The following KALRN variants were observed in gnomAD, a reference collection of about 807,000 sequenced individuals.
KALRN encodes kalirin.
In KALRN, 70 loss-of-function variants were observed where a neutral mutation model predicts 353.7. The ratio of observed to expected loss-of-function variants is 0.20; its 90% CI spans 0.16 to 0.24. The LOEUF is 0.24. Ranked by LOEUF, KALRN falls within the 10% of genes least tolerant of loss-of-function variation. KALRN has a pLI of 1.00. For synonymous variants in KALRN, 1,391 were observed against 1,434.8 expected, an observed-to-expected ratio of 0.97 and a Z score of 0.69; for missense variants, 2,791 against 3,756.7, an observed-to-expected ratio of 0.74 and a Z score of 6.72.
At chr3:124,125,844 G>A (rs182767953) in intron 1 of KALRN, among the ~76,000 whole-genome samples, 2 of 152,318 alleles carry the variant, frequency 1.3e-5, no homozygotes, top group East Asian at 3.9e-4. Context: ...TAGGCCATCA[G>A]ATGCTCTGCT....
At chr3:124,562,466 T>C (rs13083456) in intron 33 of KALRN, among the ~76,000 whole-genome samples, 24,262 of 151,848 alleles carry the variant, frequency 0.16, 2,200 homozygotes, top group African/African-American at 0.23. Context: ...AAGGGGCATA[T>C]AGGGAAGGGG....
chr3:124,649,379 T>A (rs867607213), intron 37 of KALRN, among the ~76,000 whole-genome samples: 4 of 152,218 alleles, frequency 2.6e-5, no homozygotes, highest in South Asian at 2.1e-4. Context: ...TGCATTTTTT[T>A]AAATCTTTGT....
chr3:124,610,480 C>T (rs2077814237), intron 34 of KALRN, among the ~76,000 whole-genome samples: 1 of 152,070 alleles, frequency 6.6e-6, no homozygotes, highest in African/African-American at 2.4e-5. Context: ...GGGGTTGTCC[C>T]TAGTTGTCTG....
chr3:124,169,310 G>A (rs768322316), intron 1 of KALRN, among the ~76,000 whole-genome samples: 2 of 152,110 alleles, frequency 1.3e-5, no homozygotes, highest in Non-Finnish European at 2.9e-5. Context: ...AAGCTTGTTG[G>A]CTCTCTGTGG....
chr3:124,102,609 GT>G (rs1431437139), intron 1 of KALRN, among the ~76,000 whole-genome samples: 1 of 152,192 alleles, frequency 6.6e-6, no homozygotes, highest in Non-Finnish European at 1.5e-5. Flanking sequence ...TAAGTACTCA[GT>G]AAGTATGTGC....
chr3:124,326,810 T>C (rs919189674), intron 7 of KALRN, among the ~76,000 whole-genome samples: 1 of 152,254 alleles, frequency 6.6e-6, no homozygotes, highest in Non-Finnish European at 1.5e-5. Context: ...TTTTGAGAAC[T>C]GGTTGTCACA....
chr3:124,418,834 A>C (rs899800633), intron 14 of KALRN, among the ~76,000 whole-genome samples: 1 of 152,142 alleles, frequency 6.6e-6, no homozygotes, highest in African/African-American at 2.4e-5. Flanking sequence ...TCTTGGTTGC[A>C]TGTTGGAATC....
chr3:124,411,160 GATAGAA>G (rs1283723608), intron 13 of KALRN, among the ~76,000 whole-genome samples: 3 of 152,036 alleles, frequency 2.0e-5, no homozygotes, highest in Non-Finnish European at 4.4e-5. Context: ...CATCTATGAT[GATAGAA>G]ATCAGAAATT....
At chr3:124,308,957 AAG>A (rs2149286964) in intron 6 of KALRN, among the ~76,000 whole-genome samples, 1 of 152,224 alleles carries the variant, frequency 6.6e-6, no homozygotes, top group African/African-American at 2.4e-5. Flanking sequence ...TCAGAAGTGA[AAG>A]AGGGGATATT....
intron 27 of KALRN, among the ~76,000 whole-genome samples, chr3:124,479,372 T>C (rs1295915518): frequency 6.6e-6 from 1 of 152,214 alleles, no homozygotes; most frequent in African/African-American, 2.4e-5. Flanking sequence ...CAGAAGACAG[T>C]AAACTCTCCG....
At chr3:124,605,571 TAA>T (rs61234632) in intron 34 of KALRN, among the ~76,000 whole-genome samples, 138 of 138,418 alleles carry the variant, frequency 1.0e-3, no homozygotes, top group Non-Finnish European at 1.1e-3. Context: ...GGACTCCATC[TAA>T]AAAAAAAAAA....
At chr3:124,619,909 G>C (rs2079085749) in intron 34 of KALRN, among the ~76,000 whole-genome samples, 2 of 151,538 alleles carry the variant, frequency 1.3e-5, no homozygotes, top group Admixed American at 6.6e-5. Flanking sequence ...ACCAGCATTT[G>C]TTATCTCTTG....
intron 1 of KALRN, among the ~76,000 whole-genome samples, chr3:124,186,908 G>A (rs1194295607): frequency 2.6e-5 from 4 of 152,150 alleles, no homozygotes; most frequent in Non-Finnish European, 5.9e-5. Context: ...TTTGCCAGTT[G>A]GGAGGAGGGG....
Position 124,720,330 on chromosome 3 carries a change from CG to C in KALRN, c.*864del, listed in dbSNP as rs1559893933. The C allele has an allele frequency of 6.6e-6, 1 of 152,464 alleles. No individual in the cohort carries two copies. The highest frequency in any genetic ancestry group is 1.5e-5 in the Non-Finnish European group (1 of 68,006). The allele number at this position is 152,464 out of a possible 1,614,324, so 9.4% of individuals were successfully genotyped here. On this transcript the variant is annotated 3_prime_UTR_variant, in exon 60 of 60. Coordinates refer to ENST00000682506, the MANE Select transcript of KALRN (RefSeq NM_001388419.1). ...ATAAATTCAAATACAGTATGAGCTGCGGGGATATTTTTGTGTCTACACCAGG... is the reference window on the plus strand; with the variant it reads ...ATAAATTCAAATACAGTATGAGCTGCGGGATATTTTTGTGTCTACACCAGG...
chr3:124,306,642 G>A (rs969542356), intron 6 of KALRN, among the ~76,000 whole-genome samples: 3 of 152,112 alleles, frequency 2.0e-5, no homozygotes, highest in Non-Finnish European at 1.5e-5. Context: ...TTATGGCCAG[G>A]ATGCTTAAGA....
At chr3:124,313,061 T>C (rs1050395221) in intron 6 of KALRN, among the ~76,000 whole-genome samples, 2 of 152,178 alleles carry the variant, frequency 1.3e-5, no homozygotes, top group Admixed American at 6.5e-5. Flanking sequence ...CAATAAGGCA[T>C]GGCTCCAGCA....
Position 124,413,607 on chromosome 3 carries a change from T to G in KALRN, c.2484T>G (p.Phe828Leu). The G allele has an allele frequency of 6.2e-7, 1 of 1,614,066 alleles. No homozygotes were observed. Among genetic ancestry groups the G allele is most frequent in the Non-Finnish European group, 8.5e-7 (1 of 1,179,966 alleles). The change falls in exon 14 of 60, where the codon TTT becomes TTG. Residue 828 changes from phenylalanine (F) to leucine (L), a missense_variant. Physicochemically the swap from Phe to Leu is conservative, Grantham distance 22. Around this residue, in one of 11 missense-constraint regions of KALRN, gnomAD observed 452 missense variants for 575.8 expected, o/e 0.78. Coordinates refer to ENST00000682506, the MANE Select transcript of KALRN (RefSeq NM_001388419.1). ...AGCTAGCCATGAACAACATGACCTT[T>G]GAGGTTATCCAGCAGGGACAGGATC... ...ERKLAMNNMT[F>L]EVIQQGQDLH...
intron 37 of KALRN, among the ~76,000 whole-genome samples, chr3:124,640,554 G>A (rs1287113686): frequency 6.6e-6 from 1 of 151,986 alleles, no homozygotes; most frequent in East Asian, 1.9e-4. Context: ...AAAATGCTGG[G>A]ATTACAGTCA....
At chr3:124,578,636 A>T (rs983937017) in intron 34 of KALRN, among the ~76,000 whole-genome samples, 1 of 152,112 alleles carries the variant, frequency 6.6e-6, no homozygotes, top group Non-Finnish European at 1.5e-5. Flanking sequence ...GGGCTTGGTG[A>T]CGCTTGCCTG....
Sources: allele counts gnomAD v4.1 joint callset (sites outside exome capture counted in the v4.1 genomes callset), GRCh38; gene constraint gnomAD v4.1.1; regional missense constraint gnomAD v4.1.1; transcripts MANE v1.5; gene names NCBI Gene and HGNC (gene_info 2026-07-23, HGNC 2026-07-21).